Variants in ST14 observed in about 807,000 individuals in gnomAD.
ST14 encodes ST14 transmembrane serine protease matriptase.
ST14 carries 40 observed loss-of-function variants against 96.5 expected under a neutral mutation model. The ratio of observed to expected loss-of-function variants is 0.41; its 90% CI spans 0.32 to 0.54. The LOEUF is 0.54. Among genes scored for constraint, ST14 ranks in the 20% least tolerant of loss-of-function variants. The pLI is 0.17. For synonymous variants in ST14, 506 were observed against 492.1 expected, an observed-to-expected ratio of 1.03 and a Z score of -0.37; for missense variants, 1,066 against 1,188.9, an observed-to-expected ratio of 0.90 and a Z score of 1.52.
At chr11:130,189,391 G>A (rs1953270832) in intron 4 of ST14, 2 of 463,584 alleles carry the variant, frequency 4.3e-6, no homozygotes. Flanking sequence ...TGTGGCAGGT[G>A]GCATTCCCAG....
At chr11:130,175,279 G>A (rs1334754192) in intron 1 of ST14, among the ~76,000 whole-genome samples, 5 of 152,140 alleles carry the variant, frequency 3.3e-5, no homozygotes, top group Non-Finnish European at 7.4e-5. Context: ...CAGAGGGCTA[G>A]AACATATCTT....
At position 130,193,863 on chromosome 11, in the gene ST14, G is replaced by A. The variant is rs531201523; in HGVS notation, c.876-286G>A. 3.0e-3 allele frequency among the ~76,000 whole-genome samples: 461 copies of A among 151,296 alleles called. 6 individuals carry two copies. The highest frequency in any genetic ancestry group is 0.01 in the African/African-American group (427 of 41,490). The stretch of plus-strand genomic sequence containing the variant: ...CAAAGGTGAACTGTTTATCACTAGC[G>A]CCTTCCATCAGTGATTGTGACAAAG... On this transcript the variant is annotated intron_variant, in intron 7 of 18. Coordinates refer to ENST00000278742, the MANE Select transcript of ST14 (RefSeq NM_021978.4).
Position 130,209,924 on chromosome 11 carries a change from GC to G in ST14, c.*106del. 1 of 1,432,854 alleles carries G rather than the reference GC, an allele frequency of 7.0e-7. No individual in the cohort carries two copies. The highest frequency in any genetic ancestry group is 9.6e-7 in the Non-Finnish European group (1 of 1,043,680). 88.8% of individuals were successfully genotyped at this position (1,432,854 alleles called of 1,614,324 possible). A position where few individuals can be genotyped will look rare whatever the true frequency, so the allele number is the denominator to read the frequency against. ...AGACTGGACCGCTGACTGCACCAGC[GC>G]CCCCAGAACATACACTGTGAACTCA... On this transcript the variant is annotated 3_prime_UTR_variant, in exon 19 of 19. Coordinates refer to ENST00000278742, the MANE Select transcript of ST14 (RefSeq NM_021978.4).
At chr11:130,180,663 C>T (rs954234563) in intron 1 of ST14, among the ~76,000 whole-genome samples, 1 of 152,186 alleles carries the variant, frequency 6.6e-6, no homozygotes, top group African/African-American at 2.4e-5. Context: ...GAGCGTTCCT[C>T]TCAGAGGGAG....
intron 18 of ST14, 22 bp downstream of exon 18, chr11:130,209,600 C>T (rs373581451): frequency 6.5e-5 from 103 of 1,585,880 alleles, no homozygotes; most frequent in Middle Eastern, 3.4e-4. Flanking sequence ...GGCAGGAGGG[C>T]GGCAGGTGGG....
chr11:130,166,721 CAGAAACCACG>C (rs1464237934), intron 1 of ST14, among the ~76,000 whole-genome samples: 1 of 152,274 alleles, frequency 6.6e-6, no homozygotes, highest in Middle Eastern at 3.4e-3. Context: ...AACCATGGAG[CAGAAACCACG>C]AGACCCAGAG....
At chr11:130,162,010 T>C (rs1490046636) in intron 1 of ST14, among the ~76,000 whole-genome samples, 1 of 152,168 alleles carries the variant, frequency 6.6e-6, no homozygotes, top group Non-Finnish European at 1.5e-5. Flanking sequence ...GATCACCCTG[T>C]AGTGTGTGTT....
intron 15 of ST14, among the ~76,000 whole-genome samples, chr11:130,199,494 G>A (rs1382520823): frequency 6.6e-6 from 1 of 152,206 alleles, no homozygotes; most frequent in Admixed American, 6.5e-5. Context: ...GGTTAGATTT[G>A]AGCACAGCTC....
chr11:130,160,145 C>T, intron 1 of ST14, 85 bp downstream of exon 1: 2 of 961,334 alleles, frequency 2.1e-6, no homozygotes, highest in Non-Finnish European at 2.8e-6. Context: ...GCCGGCTCCC[C>T]TGGCGTGTCC....
intron 1 of ST14, among the ~76,000 whole-genome samples, chr11:130,175,318 T>C (rs775109637): frequency 6.6e-6 from 1 of 152,110 alleles, no homozygotes; most frequent in Non-Finnish European, 1.5e-5. Flanking sequence ...TTTTTGTTTT[T>C]TTGTTTTTGA....
intron 16 of ST14, among the ~76,000 whole-genome samples, chr11:130,203,574 C>T (rs1442765066): frequency 6.6e-6 from 1 of 152,258 alleles, no homozygotes; most frequent in Non-Finnish European, 1.5e-5. Context: ...CCCTGCCCGT[C>T]CGTGCAGTCT....
chr11:130,194,852 A>G lies in ST14; in HGVS notation c.1113+115A>G, dbSNP rs7113578. ...TGTGCATGTGTTTGCATATGTGTGC[A>G]TGTGTGTGTGTGTGTGTGTGTGTGC... On this transcript the variant is annotated intron_variant, in intron 9 of 18. Coordinates refer to ENST00000278742, the MANE Select transcript of ST14 (RefSeq NM_021978.4). 0.18 allele frequency: 137,538 copies of G among 784,548 alleles called. 14,092 individuals are homozygous for G. The highest frequency in any genetic ancestry group is 0.29 in the African/African-American group (16,855 of 57,564). The allele number at this position is 784,548 out of a possible 1,614,324, so 48.6% of individuals were successfully genotyped here. A position where few individuals can be genotyped will look rare whatever the true frequency, so the allele number is the denominator to read the frequency against.
At chr11:130,185,917 C>T (rs908528393) in intron 1 of ST14, among the ~76,000 whole-genome samples, 12 of 152,154 alleles carry the variant, frequency 7.9e-5, no homozygotes, top group African/African-American at 2.9e-4. Context: ...AAGCGATTCT[C>T]CTGCCTCGGC....
chr11:130,187,040 A>G lies in ST14; in HGVS notation c.82-1074A>G. ...TGAGTTGATAATGGGTAAATGTGAC[A>G]AACCAAGACATATCAGCTTAAATTT... On this transcript the variant is annotated intron_variant, in intron 1 of 18. Transcript: ENST00000278742. This position sits in a 1 kb window ranked among gnomAD's most constrained non-coding sequence, Gnocchi z 4.5. Among the ~76,000 whole-genome samples, 1 of 152,244 alleles carries G rather than the reference A, an allele frequency of 6.6e-6. No homozygotes were observed. The highest frequency in any genetic ancestry group is 1.9e-4 in the East Asian group (1 of 5,202).
intron 1 of ST14, among the ~76,000 whole-genome samples, chr11:130,164,799 G>C (rs993229399): frequency 6.6e-6 from 1 of 151,504 alleles, no homozygotes; most frequent in South Asian, 2.1e-4. Flanking sequence ...GTGCAATGGT[G>C]TGATCTCAGC....
chr11:130,194,108 T>C, intron 7 of ST14, 41 bp from the exon 8 acceptor site: 1 of 1,613,936 alleles, frequency 6.2e-7, no homozygotes, highest in Non-Finnish European at 8.5e-7. Context: ...GAAGCTTGGG[T>C]TCTGTCTGCT....
Position 130,190,524 on chromosome 11 carries a change from C to A in ST14, c.705C>A (p.Asp235Glu). 1 of 1,610,780 alleles carries A rather than the reference C, an allele frequency of 6.2e-7. No individual in the cohort carries two copies. Among genetic ancestry groups the A allele is most frequent in the South Asian group, 1.1e-5 (1 of 91,062 alleles). The change falls in exon 7 of 19, where the codon GAC (aspartate) becomes GAA (glutamate). Residue 235 changes from aspartate to glutamate, a missense_variant. Transcript: ENST00000278742. ...LMRFTTPGFP[D>E]SPYPAHARCQ... ...GCTTCACCACGCCCGGCTTCCCTGA[C>A]AGCCCCTACCCCGCTCATGCCCGCT...
In ST14 at chr11:130,187,764, G is replaced by A. The variant is rs1275281673; in HGVS notation, c.82-350G>A. On this transcript the variant is annotated intron_variant, in intron 1 of 18. Transcript: ENST00000278742. This position sits in a 1 kb window ranked among gnomAD's most constrained non-coding sequence, Gnocchi z 4.5. Reference sequence around the variant, plus strand: ...TCCGGGGCACCCACCTACGTCAAAGGTGATTCACTGAAGGGGAGACCTGGA... The same window carrying A: ...TCCGGGGCACCCACCTACGTCAAAGATGATTCACTGAAGGGGAGACCTGGA... 2.6e-5 allele frequency among the ~76,000 whole-genome samples: 4 copies of A among 152,182 alleles called. No homozygotes were observed. Among genetic ancestry groups the A allele is most frequent in the Admixed American group, 2.6e-4 (4 of 15,282 alleles).
rs756697917 is a variant in ST14, at chr11:130,189,812, G to A, written c.514G>A (p.Val172Ile). ...GCACCTGGTGGAGGAGGCCGAGCGCGTCATGGCCGAGGAGCGCGTAGTCAT... is the reference window on the plus strand; with the variant it reads ...GCACCTGGTGGAGGAGGCCGAGCGCATCATGGCCGAGGAGCGCGTAGTCAT... ...PQHLVEEAER[V>I]MAEERVVMLP... is the part of the protein sequence containing the mutation. The change falls in exon 5 of 19, where the codon GTC becomes ATC. Residue 172 changes from valine (V) to isoleucine (I), a missense_variant. By Grantham distance (29) the Val-to-Ile change is conservative. Transcript: ENST00000278742. 12 of 1,613,764 alleles carry A rather than the reference G, an allele frequency of 7.4e-6. No individual in the cohort carries two copies. Among genetic ancestry groups the A allele is most frequent in the Middle Eastern group, 1.6e-4 (1 of 6,082 alleles).
Sources: gnomAD v4.1 joint callset for allele counts (sites outside exome capture counted in the v4.1 genomes callset) on GRCh38, gnomAD v4.1.1 for gene constraint, Gnocchi (gnomAD v3.1) non-coding constraint, MANE v1.5 for transcripts, NCBI Gene and HGNC (gene_info 2026-07-23, HGNC 2026-07-21) for gene names.